The following USP34 variants were observed in gnomAD, a reference collection of about 807,000 sequenced individuals.
USP34 encodes the protein ubiquitin carboxyl-terminal hydrolase 34.
Under a neutral mutation model 460.3 loss-of-function variants are expected in USP34, and 70 were observed. The ratio of observed to expected loss-of-function variants is 0.15; its 90% CI spans 0.13 to 0.19. USP34 has a LOEUF of 0.19. USP34 is among the 10% of genes least tolerant of loss of function. The pLI is 1.00. For missense variants in USP34, 3,985 were observed against 4,236.2 expected (o/e 0.94, Z 1.65); for synonymous variants, 1,647 against 1,405.3 (o/e 1.17, Z -3.85).
At chr2:61,361,238 C>A (rs1203849910) in intron 10 of USP34, among the ~76,000 whole-genome samples, 2 of 152,134 alleles carry the variant, frequency 1.3e-5, no homozygotes, top group East Asian at 3.9e-4. Flanking sequence ...CAGCAAGACC[C>A]AGTCTCTACA....
At chr2:61,285,584 T>C (rs1038382682) in intron 34 of USP34, among the ~76,000 whole-genome samples, 4 of 151,954 alleles carry the variant, frequency 2.6e-5, no homozygotes, top group African/African-American at 4.8e-5. Context: ...ATTCGATTCA[T>C]AGATTCTCTG....
At chr2:61,269,759 A>G (rs1482047291) in intron 41 of USP34, among the ~76,000 whole-genome samples, 1 of 152,138 alleles carries the variant, frequency 6.6e-6, no homozygotes, top group Non-Finnish European at 1.5e-5. Context: ...TCAAAACCTT[A>G]AAAGGCTCCT....
At chr2:61,214,016 A>C (rs372469725) in intron 68 of USP34, 44 bp downstream of exon 68, 9 of 1,605,210 alleles carry the variant, frequency 5.6e-6, no homozygotes, top group African/African-American at 4.0e-5. Flanking sequence ...AGGTATTTCC[A>C]ATCTATTTGA....
chr2:61,331,323 C>T lies in USP34; in HGVS notation c.2883G>A (p.Leu961=), dbSNP rs754080359. 8.1e-6 allele frequency: 13 copies of T among 1,611,936 alleles called. No homozygotes were observed. The highest frequency in any genetic ancestry group is 1.7e-5 in the Admixed American group (1 of 59,896). ...CTCTCACAGTTTGAATGTAGTATAC[C>T]AAATTATCAAAGAAAAGCTTCATCA... ...LNMMKLFFDN[L]VYYIQTVREG... Residue 961 remains leucine (L), a synonymous_variant, in exon 20 of 80, where the codon TTG becomes TTA. Coordinates refer to ENST00000398571, the MANE Select transcript of USP34 (RefSeq NM_014709.4).
At position 61,340,361 on chromosome 2, in the gene USP34, C is replaced by A. The variant is rs1456684153; in HGVS notation, c.2501-680G>T. On this transcript the variant is annotated intron_variant, in intron 16 of 79. Coordinates refer to ENST00000398571, the MANE Select transcript of USP34 (RefSeq NM_014709.4). Reference sequence around the variant, plus strand: ...TTTTACGCTATTATTAACAAAACTACCATAAACATCTGTGTAACAAGTTTT... The same window carrying A: ...TTTTACGCTATTATTAACAAAACTAACATAAACATCTGTGTAACAAGTTTT... Among the ~76,000 whole-genome samples the A allele has an allele frequency of 1.3e-5, 2 of 152,250 alleles. 1 individual carries two copies. Among genetic ancestry groups the A allele is most frequent in the Middle Eastern group, 6.8e-3 (2 of 292 alleles).
chr2:61,307,603 C>G (rs1572919913), intron 27 of USP34, among the ~76,000 whole-genome samples: 2 of 151,012 alleles, frequency 1.3e-5, no homozygotes, highest in African/African-American at 2.4e-5. Context: ...ACCTCATGAC[C>G]TAGAATTTGA....
At chr2:61,291,649 A>G (rs553178462) in intron 33 of USP34, among the ~76,000 whole-genome samples, 13 of 152,332 alleles carry the variant, frequency 8.5e-5, no homozygotes, top group African/African-American at 3.1e-4. Context: ...TGGTCAACAG[A>G]CACATGAAAA....
rs1043759885 is a variant in USP34 at position 61,246,261 on chromosome 2, C to A, written c.6548+63G>T. The A allele has an allele frequency of 3.8e-6, 5 of 1,317,968 alleles. No individual in the cohort carries two copies. The African/African-American group carries it at 6.0e-5, about 16-fold the overall frequency. The allele number at this position is 1,317,968 out of a possible 1,614,324, so 81.6% of individuals were successfully genotyped here. A position where few individuals can be genotyped will look rare whatever the true frequency, so the allele number is the denominator to read the frequency against. ...TGGCAAGTTTTTAGAAAACTAAACA[C>A]TGAAAACATATCAGAAAACTACCAT... On this transcript the variant is annotated intron_variant, in intron 50 of 79. Transcript: ENST00000398571.
At chr2:61,434,784 C>T (rs1469887631) in intron 1 of USP34, among the ~76,000 whole-genome samples, 1 of 151,050 alleles carries the variant, frequency 6.6e-6, no homozygotes, top group Admixed American at 6.6e-5. Flanking sequence ...GGGGTTCCAA[C>T]AATGTGTAGA....
intron 74 of USP34, 39 bp from the exon 75 acceptor site, chr2:61,203,302 G>A: frequency 1.4e-6 from 2 of 1,431,366 alleles, no homozygotes; most frequent in Non-Finnish European, 1.8e-6. Context: ...CACTTAAATT[G>A]TATAATAAAG....
At chr2:61,433,024 G>C (rs1194384133) in intron 1 of USP34, among the ~76,000 whole-genome samples, 1 of 152,162 alleles carries the variant, frequency 6.6e-6, no homozygotes, top group Non-Finnish European at 1.5e-5. Context: ...ATTAAAAAAA[G>C]AATCAGGGAG....
chr2:61,440,068 C>G (rs1694922054), intron 1 of USP34, among the ~76,000 whole-genome samples: 2 of 152,094 alleles, frequency 1.3e-5, no homozygotes. Context: ...CTTCTCCTCC[C>G]CGGTTCTGAG....
At chr2:61,446,594 G>A (rs556194986) in intron 1 of USP34, among the ~76,000 whole-genome samples, 2 of 151,744 alleles carry the variant, frequency 1.3e-5, no homozygotes, top group African/African-American at 2.4e-5. Flanking sequence ...TCAGGAGCTC[G>A]AGACCAGCCT....
chr2:61,341,722 T>C (rs1188456277), intron 16 of USP34, among the ~76,000 whole-genome samples: 1 of 151,904 alleles, frequency 6.6e-6, no homozygotes, highest in East Asian at 1.9e-4. Flanking sequence ...AATAAACCAC[T>C]TTTGTTTATA....
At chr2:61,216,812 G>A (rs1687414617) in intron 67 of USP34, among the ~76,000 whole-genome samples, 1 of 151,794 alleles carries the variant, frequency 6.6e-6, no homozygotes, top group Non-Finnish European at 1.5e-5. Flanking sequence ...CAGCTACTCA[G>A]GAGGCTGAGG....
chr2:61,232,174 T>C (rs1007020297), intron 58 of USP34, among the ~76,000 whole-genome samples: 1 of 152,100 alleles, frequency 6.6e-6, no homozygotes, highest in African/African-American at 2.4e-5. Flanking sequence ...AAGCATCTAA[T>C]AATAAAGAGC....
At chr2:61,244,743 T>C (rs1572866651) in intron 51 of USP34, among the ~76,000 whole-genome samples, 1 of 152,178 alleles carries the variant, frequency 6.6e-6, no homozygotes, top group African/African-American at 2.4e-5. Flanking sequence ...AACAATCCTT[T>C]AAAACTTAGC....
At chr2:61,283,113 A>G (rs1022226905) in intron 37 of USP34, 32 bp downstream of exon 37, 6 of 1,599,622 alleles carry the variant, frequency 3.8e-6, no homozygotes, top group Admixed American at 3.5e-5. Flanking sequence ...CATACAAAAA[A>G]TAACAGTACT....
chr2:61,271,192 T>A (rs1689203051), intron 41 of USP34, among the ~76,000 whole-genome samples: 1 of 152,050 alleles, frequency 6.6e-6, no homozygotes, highest in Non-Finnish European at 1.5e-5. Flanking sequence ...TCCCAGCTAC[T>A]CTTTGGGAGG....
Sources: gnomAD v4.1 joint callset for allele counts (sites outside exome capture counted in the v4.1 genomes callset) on GRCh38, gnomAD v4.1.1 for gene constraint, MANE v1.5 for transcripts, NCBI Gene and HGNC (gene_info 2026-07-23, HGNC 2026-07-21) for gene names.